CD2AP: variants seen among roughly 807,000 people sequenced by gnomAD.
CD2AP encodes CD2-associated protein.
In CD2AP, 46 loss-of-function variants were observed where a neutral mutation model predicts 85.1. That is an observed-to-expected ratio of 0.54 (90% confidence interval 0.43 to 0.69). The LOEUF is 0.69. Ranked by LOEUF, CD2AP falls within the 30% of genes least tolerant of loss-of-function variation. The pLI, the probability that CD2AP is intolerant of heterozygous loss-of-function variation, is 0.00. For missense variants in CD2AP, 769 were observed against 729.5 expected (o/e 1.05, Z -0.62); for synonymous variants, 255 against 252.9 (o/e 1.01, Z -0.08).
intron 11 of CD2AP, among the ~76,000 whole-genome samples, chr6:47,589,429 T>G (rs566612866): frequency 7.3e-6 from 1 of 137,200 alleles, no homozygotes; most frequent in African/African-American, 2.6e-5. Flanking sequence ...TACACAAATA[T>G]ACACACATAC....
At chr6:47,544,383 T>A (rs569933120) in intron 3 of CD2AP, among the ~76,000 whole-genome samples, 2 of 152,314 alleles carry the variant, frequency 1.3e-5, no homozygotes, top group East Asian at 3.9e-4. Flanking sequence ...AATGGTGGGA[T>A]AAGATGTATA....
chr6:47,621,902 A>G (rs1769755106), intron 17 of CD2AP, among the ~76,000 whole-genome samples: 1 of 151,462 alleles, frequency 6.6e-6, no homozygotes, highest in Admixed American at 6.6e-5. Context: ...GGGCCGTAGA[A>G]CTCCCAAGAT....
intron 2 of CD2AP, among the ~76,000 whole-genome samples, chr6:47,508,192 C>T (rs1158752542): frequency 1.3e-5 from 2 of 152,214 alleles, no homozygotes; most frequent in East Asian, 3.8e-4. Flanking sequence ...TATGAAAGTC[C>T]TAGGTGGTAC....
intron 1 of CD2AP, among the ~76,000 whole-genome samples, chr6:47,483,246 A>T (rs925240033): frequency 1.3e-5 from 2 of 152,304 alleles, no homozygotes; most frequent in East Asian, 3.9e-4. Context: ...AGGCGACAGA[A>T]CAGTAGTTTA....
intron 3 of CD2AP, among the ~76,000 whole-genome samples, chr6:47,534,952 G>A (rs909060346): frequency 6.6e-6 from 1 of 151,906 alleles, no homozygotes; most frequent in African/African-American, 2.4e-5. Flanking sequence ...GTGCCACCAC[G>A]TCTGCTAATT....
Position 47,554,646 on chromosome 6 carries a change from G to GT in CD2AP, c.422dup (p.Glu142ArgfsTer11). On this transcript the variant is annotated frameshift_variant and splice_region_variant, in exon 5 of 18. Coordinates refer to ENST00000359314, the MANE Select transcript of CD2AP (RefSeq NM_012120.3). LOFTEE classifies it high-confidence loss of function. ...GCTTTTGAATTGTGAACTTTTTCAG[G>GT]TAGAAGAAGGCTGGTGGAGTGGAAC... The GT allele has an allele frequency of 6.2e-7, 1 of 1,613,608 alleles. No individual in the cohort carries two copies. The highest frequency in any genetic ancestry group is 8.5e-7 in the Non-Finnish European group (1 of 1,179,740).
intron 2 of CD2AP, among the ~76,000 whole-genome samples, chr6:47,510,197 C>G (rs9369706): frequency 2.6e-5 from 4 of 151,810 alleles, no homozygotes; most frequent in Non-Finnish European, 5.9e-5. Context: ...AAAACATGTA[C>G]AGGTAGATAC....
Position 47,610,971 on chromosome 6 carries a change from A to ATATATATATATATATATTT in CD2AP, c.1815-1501_1815-1500insATATATATATATATATTTT. 1.5e-3 allele frequency among the ~76,000 whole-genome samples: 168 copies of ATATATATATATATATATTT among 112,830 alleles called. 1 individual carries two copies. The highest frequency in any genetic ancestry group is 5.0e-3 in the African/African-American group (138 of 27,816). The allele number at this position is 112,830 out of a possible 152,430, so 74.0% of individuals were successfully genotyped here. ...GATTTATATATATATATATATATGT[A>ATATATATATATATATATTT]TTTTTTTTTTTTTTTGAATATAAAA... On this transcript the variant is annotated intron_variant, in intron 16 of 17. Coordinates refer to ENST00000359314, the MANE Select transcript of CD2AP (RefSeq NM_012120.3).
At chr6:47,573,484 G>GTTTTTTTT (rs765430650) in intron 5 of CD2AP, among the ~76,000 whole-genome samples, 6 of 94,724 alleles carry the variant, frequency 6.3e-5, no homozygotes, top group African/African-American at 8.6e-5. Flanking sequence ...CATGCTGTGT[G>GTTTTTTTT]TTTTTTTTTT....
At chr6:47,505,026 T>A (rs139772521) in intron 2 of CD2AP, among the ~76,000 whole-genome samples, 3 of 102,726 alleles carry the variant, frequency 2.9e-5, no homozygotes, top group Non-Finnish European at 4.5e-5. Flanking sequence ...TTTTTTTTTT[T>A]TTTTTTTTTT....
chr6:47,503,867 C>T (rs1220486520), intron 2 of CD2AP, among the ~76,000 whole-genome samples: 1 of 152,062 alleles, frequency 6.6e-6, no homozygotes, highest in African/African-American at 2.4e-5. Flanking sequence ...TGATTTTGTC[C>T]ACTGTTGGTT....
At chr6:47,612,892 A>G (rs1769488101) in intron 17 of CD2AP, among the ~76,000 whole-genome samples, 1 of 152,130 alleles carries the variant, frequency 6.6e-6, no homozygotes, top group Non-Finnish European at 1.5e-5. Flanking sequence ...TGGCAAGGGT[A>G]TTCTTTTGAA....
At chr6:47,514,647 C>CA (rs1177171735) in intron 2 of CD2AP, among the ~76,000 whole-genome samples, 1 of 152,060 alleles carries the variant, frequency 6.6e-6, no homozygotes, top group Non-Finnish European at 1.5e-5. Flanking sequence ...GGGGAAATAA[C>CA]AGTGTAAAAC....
In CD2AP at chr6:47,534,359, A is replaced by C. The variant is rs185332152; in HGVS notation, c.319+604A>C. ...TTAAGAAAAAAAGCAAAACAAAACA[A>C]AAAACACCAGGTAATATTGCTGTTC... On this transcript the variant is annotated intron_variant, in intron 3 of 17. Coordinates refer to ENST00000359314, the MANE Select transcript of CD2AP (RefSeq NM_012120.3). 1.2e-3 allele frequency among the ~76,000 whole-genome samples: 182 copies of C among 152,332 alleles called. 2 individuals carry two copies. Among genetic ancestry groups the C allele is most frequent in the African/African-American group, 4.2e-3 (174 of 41,588 alleles).
intron 5 of CD2AP, among the ~76,000 whole-genome samples, chr6:47,555,889 A>G (rs971727250): frequency 3.3e-5 from 5 of 151,740 alleles, no homozygotes; most frequent in Non-Finnish European, 5.9e-5. Flanking sequence ...GTTGTGAGCT[A>G]TTAGTTTTTT....
chr6:47,561,884 C>T (rs771661037), intron 5 of CD2AP, among the ~76,000 whole-genome samples: 1 of 152,128 alleles, frequency 6.6e-6, no homozygotes, highest in East Asian at 1.9e-4. Context: ...GGGTTCACGT[C>T]ATTCTCCTGC....
rs1454709863 is a variant in CD2AP at position 47,610,973 on chromosome 6, T to TATATA, written c.1815-1500_1815-1499insATATA. On this transcript the variant is annotated intron_variant, in intron 16 of 17. Coordinates refer to ENST00000359314, the MANE Select transcript of CD2AP (RefSeq NM_012120.3). ...TTTATATATATATATATATATGTAT[T>TATATA]TTTTTTTTTTTTTGAATATAAAACA... 7.7e-4 allele frequency among the ~76,000 whole-genome samples: 23 copies of TATATA among 30,044 alleles called. No homozygotes were observed. In the Admixed American group the frequency reaches 8.5e-3, roughly 11 times the overall value. 19.7% of individuals were successfully genotyped at this position (30,044 alleles called of 152,430 possible).
intron 2 of CD2AP, among the ~76,000 whole-genome samples, chr6:47,507,282 T>G (rs763742173): frequency 3.3e-5 from 5 of 152,186 alleles, no homozygotes; most frequent in Non-Finnish European, 7.3e-5. Context: ...AAGTCATCCT[T>G]TAGTGTTGTG....
intron 5 of CD2AP, among the ~76,000 whole-genome samples, chr6:47,566,323 T>TATATATATATATATATATAC: frequency 1.9e-4 from 21 of 108,454 alleles, no homozygotes; most frequent in African/African-American, 5.5e-4. Context: ...TATATATATA[T>TATATATATATATATATATAC]ACACATACAC....
Sources: allele counts gnomAD v4.1 joint callset (sites outside exome capture counted in the v4.1 genomes callset), GRCh38; gene constraint gnomAD v4.1.1; transcripts MANE v1.5; gene names NCBI Gene and HGNC (gene_info 2026-07-23, HGNC 2026-07-21).